The following GRIA4 variants were observed in gnomAD, a reference collection of about 807,000 sequenced individuals.
GRIA4 encodes the protein glutamate ionotropic receptor AMPA type subunit 4.
In GRIA4, 34 loss-of-function variants were observed where a neutral mutation model predicts 104.0. That is an observed-to-expected ratio of 0.33 (90% CI 0.25 to 0.44). GRIA4 has a LOEUF of 0.44. Ranked by LOEUF, GRIA4 falls within the 20% of genes least tolerant of loss-of-function variation. The pLI, the probability that GRIA4 is intolerant of heterozygous loss-of-function variation, is 1.00. For missense variants in GRIA4, 750 were observed against 1,096.5 expected (o/e 0.68, Z 4.46); for synonymous variants, 386 against 381.9 (o/e 1.01, Z -0.13).
At chr11:105,825,263 C>T (rs1480052363) in intron 4 of GRIA4, among the ~76,000 whole-genome samples, 1 of 151,992 alleles carries the variant, frequency 6.6e-6, no homozygotes, top group Non-Finnish European at 1.5e-5. Context: ...GCATGACTGG[C>T]ACTTCATATG....
At chr11:105,794,865 C>T (rs866925720) in intron 4 of GRIA4, among the ~76,000 whole-genome samples, 9 of 151,634 alleles carry the variant, frequency 5.9e-5, no homozygotes, top group African/African-American at 1.5e-4. Context: ...CATAAACCAC[C>T]GAGGTATTAG....
At chr11:105,961,864 C>T (rs940652695) in intron 14 of GRIA4, among the ~76,000 whole-genome samples, 1 of 152,174 alleles carries the variant, frequency 6.6e-6, no homozygotes, top group Non-Finnish European at 1.5e-5. Context: ...CTATTGCCAT[C>T]ATAGCCAACA....
At chr11:105,631,262 G>C (rs1022911139) in intron 3 of GRIA4, among the ~76,000 whole-genome samples, 4 of 152,136 alleles carry the variant, frequency 2.6e-5, no homozygotes, top group Non-Finnish European at 2.9e-5. Flanking sequence ...TGGGGCTAGT[G>C]CATGTATCTA....
At chr11:105,616,120 T>C (rs1475744161) in intron 3 of GRIA4, among the ~76,000 whole-genome samples, 2 of 151,760 alleles carry the variant, frequency 1.3e-5, no homozygotes, top group African/African-American at 4.8e-5. Context: ...AATAGAATTT[T>C]ATAGACTGTT....
chr11:105,704,628 A>C (rs1444973089), intron 3 of GRIA4, among the ~76,000 whole-genome samples: 4 of 152,198 alleles, frequency 2.6e-5, no homozygotes, highest in African/African-American at 9.6e-5. Flanking sequence ...GAATTTCTTA[A>C]GTAGAACTCC....
At chr11:105,852,765 G>GT (rs1944860081) in intron 4 of GRIA4, among the ~76,000 whole-genome samples, 1 of 150,062 alleles carries the variant, frequency 6.7e-6, no homozygotes, top group African/African-American at 2.4e-5. Context: ...TTCATCCTGT[G>GT]TTTTTTCCTG....
At chr11:105,664,328 A>G (rs1192822898) in intron 3 of GRIA4, among the ~76,000 whole-genome samples, 1 of 150,870 alleles carries the variant, frequency 6.6e-6, no homozygotes, top group Admixed American at 6.7e-5. Flanking sequence ...GTTTGAGAAC[A>G]GAAAGAAAAC....
At chr11:105,612,484 A>T (rs1314715445) in intron 3 of GRIA4, 50 bp downstream of exon 3, 1 of 1,401,202 alleles carries the variant, frequency 7.1e-7, no homozygotes, top group Non-Finnish European at 1.0e-6. Context: ...GAAACCAAGC[A>T]ATGGAGTCCT....
At chr11:105,712,710 T>C (rs937402626) in intron 3 of GRIA4, among the ~76,000 whole-genome samples, 10 of 106,934 alleles carry the variant, frequency 9.4e-5, no homozygotes, top group Non-Finnish European at 1.9e-4. Flanking sequence ...TGTTTTGCTT[T>C]GTTTTTGTTT....
At chr11:105,770,901 T>C (rs1941178896) in intron 4 of GRIA4, among the ~76,000 whole-genome samples, 1 of 152,066 alleles carries the variant, frequency 6.6e-6, no homozygotes. Flanking sequence ...ATGTTCTTCC[T>C]GCCATCAAGA....
rs767292401 is a variant in GRIA4 at position 105,775,710 on chromosome 11, T to C, written c.487+22490T>C. 8.5e-5 allele frequency among the ~76,000 whole-genome samples: 13 copies of C among 152,060 alleles called. No individual in the cohort carries two copies. The South Asian group carries it at 1.7e-3, about 19-fold the overall frequency. On this transcript the variant is annotated intron_variant, in intron 4 of 16. Coordinates refer to ENST00000282499, the MANE Select transcript of GRIA4 (RefSeq NM_000829.4). ...AAAACATATGAACAGTCAACAGGTATATAGAATATTTTCAACCTTATATTA... is the reference window on the plus strand; with the variant it reads ...AAAACATATGAACAGTCAACAGGTACATAGAATATTTTCAACCTTATATTA...
intron 6 of GRIA4, 22 bp downstream of exon 6, chr11:105,887,594 C>G: frequency 8.9e-7 from 1 of 1,117,928 alleles, no homozygotes; most frequent in South Asian, 1.3e-5. Flanking sequence ...TTATTTTCTA[C>G]TTTTCATAAG....
At chr11:105,856,698 G>A (rs1019465448) in intron 4 of GRIA4, among the ~76,000 whole-genome samples, 7 of 152,100 alleles carry the variant, frequency 4.6e-5, no homozygotes, top group South Asian at 2.1e-4. Flanking sequence ...CAGACTCTAC[G>A]ACAGTGCTTT....
intron 7 of GRIA4, among the ~76,000 whole-genome samples, chr11:105,903,072 C>G (rs547496231): frequency 1.3e-5 from 2 of 152,242 alleles, no homozygotes; most frequent in South Asian, 2.1e-4. Context: ...GGAGCTCACT[C>G]TTTTCTCAAA....
intron 10 of GRIA4, among the ~76,000 whole-genome samples, chr11:105,916,127 T>A (rs1454274952): frequency 6.6e-6 from 1 of 152,098 alleles, no homozygotes; most frequent in Non-Finnish European, 1.5e-5. Flanking sequence ...GAGGTTGCAG[T>A]GAGCCGAGAT....
chr11:105,895,252 CGTGTGT>C lies in GRIA4; in HGVS notation c.727-2994_727-2989del, dbSNP rs59472131. The stretch of plus-strand genomic sequence containing the variant: ...CAATTACAAAAGCTACGAGCTCATG[CGTGTGT>C]GTGTGTGTGTGTGTGTGTGTGTATG... On this transcript the variant is annotated intron_variant, in intron 6 of 16. Transcript: ENST00000282499. 1.7e-4 allele frequency among the ~76,000 whole-genome samples: 25 copies of C among 148,862 alleles called. No individual in the cohort carries two copies. The East Asian group carries it at 2.8e-3, about 17-fold the overall frequency.
chr11:105,790,783 GA>G (rs1942181967), intron 4 of GRIA4, among the ~76,000 whole-genome samples: 3 of 152,276 alleles, frequency 2.0e-5, no homozygotes, highest in Admixed American at 2.0e-4. Flanking sequence ...TTGAGATCCA[GA>G]AAAGATGAAG....
chr11:105,768,814 C>G (rs1164175774), intron 4 of GRIA4, among the ~76,000 whole-genome samples: 1 of 151,944 alleles, frequency 6.6e-6, no homozygotes, highest in Non-Finnish European at 1.5e-5. Context: ...AAAGAGAAAA[C>G]AGAACACAAA....
chr11:105,939,599 A>G (rs550308110), intron 14 of GRIA4, among the ~76,000 whole-genome samples: 73 of 152,132 alleles, frequency 4.8e-4, no homozygotes, highest in Non-Finnish European at 9.0e-4. Flanking sequence ...GATTCTGACC[A>G]TGGTGGCAAA....
Sources: gnomAD v4.1 joint callset for allele counts (sites outside exome capture counted in the v4.1 genomes callset) on GRCh38, gnomAD v4.1.1 for gene constraint, MANE v1.5 for transcripts, NCBI Gene and HGNC (gene_info 2026-07-23, HGNC 2026-07-21) for gene names.